Variants in FAAH2 observed in about 807,000 individuals in gnomAD.
FAAH2 encodes the protein fatty-acid amide hydrolase 2.
A neutral mutation model predicts 36.9 loss-of-function variants in FAAH2; 60 were observed. The observed-to-expected ratio is 1.63, with a 90% CI of 1.32 to 2.02. The LOEUF (loss-of-function observed/expected upper bound fraction) is 2.02, where lower values mean the gene tolerates loss of function less well. Among genes scored for constraint, FAAH2 ranks in the 30% most tolerant of loss-of-function variants. The pLI is 0.00. For synonymous variants in FAAH2, 214 were observed against 143.8 expected, an observed-to-expected ratio of 1.49 and a Z score of -3.49; for missense variants, 689 against 397.5, an observed-to-expected ratio of 1.73 and a Z score of -6.23.
intron 10 of FAAH2, among the ~76,000 whole-genome samples, chrX:57,487,086 A>G (rs989398389): frequency 6.3e-5 from 7 of 111,487 alleles, no homozygotes; most frequent in Non-Finnish European, 1.3e-4. Context: ...TACGTGCAAA[A>G]GAATAAAGTT....
chrX:57,442,355 A>G (rs1356000476), intron 8 of FAAH2, among the ~76,000 whole-genome samples: 5 of 111,729 alleles, frequency 4.5e-5, no homozygotes, highest in Non-Finnish European at 9.4e-5. Context: ...TCCCTTTACC[A>G]TTATGGAGTG....
intron 7 of FAAH2, among the ~76,000 whole-genome samples, chrX:57,408,046 T>C (rs1944096936): frequency 9.0e-6 from 1 of 111,603 alleles, no homozygotes; most frequent in Admixed American, 9.5e-5. Context: ...TTTTGATTAC[T>C]ATAGCTTTGT....
At chrX:57,447,499 T>C (rs1295001379) in intron 9 of FAAH2, among the ~76,000 whole-genome samples, 1 of 85,907 alleles carries the variant, frequency 1.2e-5, no homozygotes, top group East Asian at 3.6e-4. Flanking sequence ...GAGGGCCTTG[T>C]CCCTCAGCAC....
In FAAH2 at chrX:57,371,631, A is replaced by AT. The variant is rs201270471; in HGVS notation, c.743-7014dup. 6.2e-3 allele frequency among the ~76,000 whole-genome samples: 387 copies of AT among 62,534 alleles called. 9 individuals are homozygous for AT. The East Asian group carries it at 0.1, about 17-fold the overall frequency. The allele number at this position is 62,534 out of a possible 115,157, so 54.3% of individuals were successfully genotyped here. On this transcript the variant is annotated intron_variant, in intron 5 of 10. Transcript: ENST00000374900. The stretch of plus-strand genomic sequence containing the variant: ...GATGATTGGGTTGGATCACAGTTCT[A>AT]TTTTTTGGGGGGGGGGTTACTTTCA...
chrX:57,182,631 A>G, the FAAH2 span, among the ~76,000 whole-genome samples: 1 of 111,564 alleles, frequency 9.0e-6, no homozygotes, highest in Non-Finnish European at 1.9e-5. Context: ...TGTAGAAAGC[A>G]GTGCGGCACA....
intron 7 of FAAH2, chrX:57,392,563 T>C: frequency 6.1e-6 from 5 of 822,899 alleles, no homozygotes; most frequent in Non-Finnish European, 8.9e-6. Context: ...GGCTGCCTTA[T>C]ACTTCCTAAC....
rs1368197509 is a variant in FAAH2 at position 57,452,049 on chromosome X, A to C, written c.1423+3331A>C. On this transcript the variant is annotated intron_variant, in intron 10 of 10. Transcript: ENST00000374900. ...ACACCTATATGTCATAATAATTGGG[A>C]GAGGTGATTACCAGGACAGATGGAA... 1.2e-5 allele frequency: 4 copies of C among 332,080 alleles called. No homozygotes were observed. The East Asian group carries it at 6.5e-4, about 54-fold the overall frequency. The allele number at this position is 332,080 out of a possible 1,213,427, so 27.4% of individuals were successfully genotyped here. A position where few individuals can be genotyped will look rare whatever the true frequency, so the allele number is the denominator to read the frequency against.
intron 5 of FAAH2, among the ~76,000 whole-genome samples, chrX:57,354,111 C>A (rs1057283007): frequency 9.0e-6 from 1 of 110,564 alleles, no homozygotes; most frequent in East Asian, 2.8e-4. Flanking sequence ...AAAGGGAAAT[C>A]AATTATATTA....
chrX:57,344,876 G>A (rs1483115645), intron 5 of FAAH2, among the ~76,000 whole-genome samples: 3 of 110,960 alleles, frequency 2.7e-5, no homozygotes, highest in Non-Finnish European at 5.7e-5. Context: ...CTGTGTATGT[G>A]GTAAATCACT....
chrX:57,235,756 G>C, the FAAH2 span, among the ~76,000 whole-genome samples: 1 of 112,338 alleles, frequency 8.9e-6, no homozygotes, highest in African/African-American at 3.2e-5. Flanking sequence ...GCAATACAGT[G>C]TGATGTTTCA....
intron 2 of FAAH2, among the ~76,000 whole-genome samples, chrX:57,299,684 C>T (rs768487492): frequency 1.6e-3 from 181 of 111,810 alleles, no homozygotes; most frequent in Non-Finnish European, 2.6e-3. Flanking sequence ...TTGCAGATGA[C>T]ATGATTGTAT....
intron 2 of FAAH2, among the ~76,000 whole-genome samples, chrX:57,305,713 A>G (rs1229108497): frequency 5.4e-5 from 6 of 111,364 alleles, no homozygotes; most frequent in South Asian, 7.5e-4. Context: ...ATCTTGTGCC[A>G]TTCTCCCACA....
At chrX:57,179,881 G>A in the FAAH2 span, among the ~76,000 whole-genome samples, 8 of 111,692 alleles carry the variant, frequency 7.2e-5, no homozygotes, top group African/African-American at 2.3e-4. Context: ...ATAAAAAAAA[G>A]CAAATGTAAA....
the FAAH2 span, among the ~76,000 whole-genome samples, chrX:57,122,302 G>A: frequency 5.4e-3 from 594 of 110,716 alleles, 14 homozygotes; most frequent in Admixed American, 0.053. Context: ...TTTTCTAATC[G>A]ATTTTTTCAT....
At chrX:57,473,931 C>T (rs930401645) in intron 10 of FAAH2, among the ~76,000 whole-genome samples, 1 of 111,268 alleles carries the variant, frequency 9.0e-6, no homozygotes, top group Non-Finnish European at 1.9e-5. Flanking sequence ...CTCTTGTAGA[C>T]TGCAGATGGT....
intron 10 of FAAH2, among the ~76,000 whole-genome samples, chrX:57,482,594 G>C (rs760944895): frequency 1.5e-3 from 162 of 109,425 alleles, no homozygotes; most frequent in Non-Finnish European, 2.4e-3. Context: ...GTCCCTACGA[G>C]ATGAACTGGG....
At chrX:57,199,972 T>G in the FAAH2 span, among the ~76,000 whole-genome samples, 6 of 111,835 alleles carry the variant, frequency 5.4e-5, no homozygotes, top group African/African-American at 1.9e-4. Flanking sequence ...TCAGTTTCTG[T>G]GTGTCTTTAT....
intron 4 of FAAH2, among the ~76,000 whole-genome samples, chrX:57,332,668 G>T (rs2053441017): frequency 9.0e-6 from 1 of 111,154 alleles, no homozygotes; most frequent in Non-Finnish European, 1.9e-5. Flanking sequence ...GTGGTTGGGT[G>T]GGGGGATCTT....
chrX:57,447,402 C>T (rs1569352409), intron 9 of FAAH2, among the ~76,000 whole-genome samples: 1 of 111,657 alleles, frequency 9.0e-6, no homozygotes, highest in African/African-American at 3.3e-5. Context: ...TCTCACAGCT[C>T]CACTAGGCAG....
Sources: gnomAD v4.1 joint callset for allele counts (sites outside exome capture counted in the v4.1 genomes callset) on GRCh38, gnomAD v4.1.1 for gene constraint, MANE v1.5 for transcripts, NCBI Gene and HGNC (gene_info 2026-07-23, HGNC 2026-07-21) for gene names.